Variants in GALNT18 observed in about 807,000 individuals in gnomAD.
GALNT18 encodes polypeptide N-acetylgalactosaminyltransferase 18.
A neutral mutation model predicts 69.5 loss-of-function variants in GALNT18; 44 were observed. That is an observed-to-expected ratio of 0.63 (90% CI 0.50 to 0.81). GALNT18 has a LOEUF of 0.81. Among genes scored for constraint, GALNT18 ranks in the 40% least tolerant of loss-of-function variants. The probability of loss-of-function intolerance (pLI) is 0.00; values close to 1 mark genes in which losing one functional copy is unlikely to be tolerated. For synonymous variants in GALNT18, 364 were observed against 318.2 expected (o/e 1.14, Z -1.53); for missense variants, 715 against 810.0 (o/e 0.88, Z 1.42).
chr11:11,568,508 G>A (rs1351365130), intron 1 of GALNT18, among the ~76,000 whole-genome samples: 1 of 152,096 alleles, frequency 6.6e-6, no homozygotes, highest in East Asian at 1.9e-4. Context: ...TCTGGTTAAG[G>A]GGGGAAAAAG....
intron 1 of GALNT18, among the ~76,000 whole-genome samples, chr11:11,477,586 C>G (rs375514741): frequency 6.6e-6 from 1 of 152,300 alleles, no homozygotes; most frequent in East Asian, 1.9e-4. Flanking sequence ...CTGGGAGAGA[C>G]AAGCAGGAAC....
rs1222117149 is a variant in GALNT18 at position 11,620,162 on chromosome 11, T to A, written c.235+1197A>T. Among the ~76,000 whole-genome samples, 1 of 151,576 alleles carries A rather than the reference T, an allele frequency of 6.6e-6. No individual in the cohort carries two copies. Among genetic ancestry groups the A allele is most frequent in the Non-Finnish European group, 1.5e-5 (1 of 67,880 alleles). On this transcript the variant is annotated intron_variant, in intron 1 of 10. Coordinates refer to ENST00000227756, the MANE Select transcript of GALNT18 (RefSeq NM_198516.3). The surrounding 1 kb of genome is among the most constrained non-coding windows in gnomAD (Gnocchi z 6.9). ...GGGGGGTGGGGGGTAAGCCTTCAGT[T>A]CAATTCGATTTTGCCAAGGTCTGCC...
intron 9 of GALNT18, among the ~76,000 whole-genome samples, chr11:11,306,362 A>G (rs1388222487): frequency 4.6e-5 from 7 of 152,118 alleles, no homozygotes; most frequent in Admixed American, 4.6e-4. Flanking sequence ...TAAAATATGC[A>G]GGTTAAGATC....
Position 11,494,773 on chromosome 11 carries a change from C to T in GALNT18, c.236-45837G>A, listed in dbSNP as rs987288385. Among the ~76,000 whole-genome samples, 6 of 152,164 alleles carry T rather than the reference C, an allele frequency of 3.9e-5. No individual in the cohort carries two copies. Among genetic ancestry groups the T allele is most frequent in the South Asian group, 4.1e-4 (2 of 4,826 alleles). On this transcript the variant is annotated intron_variant, in intron 1 of 10. Transcript: ENST00000227756. This position sits in a 1 kb window ranked among gnomAD's most constrained non-coding sequence, Gnocchi z 5.7. The stretch of plus-strand genomic sequence containing the variant: ...TATAGCCAAATCAGAGAGATGAATC[C>T]GGCCCATCGTGCTATTATTCAAAGC...
intron 3 of GALNT18, among the ~76,000 whole-genome samples, chr11:11,392,252 C>T (rs1854212136): frequency 6.6e-6 from 1 of 152,116 alleles, no homozygotes; most frequent in Non-Finnish European, 1.5e-5. Flanking sequence ...GGACAGAAAT[C>T]CTCATATAAA....
intron 1 of GALNT18, among the ~76,000 whole-genome samples, chr11:11,578,330 C>CAAAAAAAAAAA (rs57579910): frequency 4.6e-4 from 56 of 120,514 alleles, no homozygotes; most frequent in African/African-American, 1.9e-3. Flanking sequence ...TAAAAAGAAC[C>CAAAAAAAAAAA]AAAAAAAAAA....
intron 1 of GALNT18, among the ~76,000 whole-genome samples, chr11:11,594,979 A>ATG (rs1491443682): frequency 5.9e-5 from 7 of 118,722 alleles, no homozygotes; most frequent in South Asian, 2.8e-4. Context: ...CAAAATATAC[A>ATG]TATGTGTGTG....
At chr11:11,335,759 G>A (rs1330847888) in intron 7 of GALNT18, among the ~76,000 whole-genome samples, 1 of 152,160 alleles carries the variant, frequency 6.6e-6, no homozygotes, top group East Asian at 1.9e-4. Flanking sequence ...AGACAAAGAG[G>A]AGAAGGCCAT....
At chr11:11,352,418 A>G in intron 6 of GALNT18, 1 of 1,614,164 alleles carries the variant, frequency 6.2e-7, no homozygotes, top group Non-Finnish European at 8.5e-7. Context: ...TGTCACGTCC[A>G]TGGAAAAATG....
rs113686474 is a variant in GALNT18, at chr11:11,432,887, G to C, written c.429-100C>G. 6 of 1,195,778 alleles carry C rather than the reference G, an allele frequency of 5.0e-6. No homozygotes were observed. Among genetic ancestry groups the C allele is most frequent in the African/African-American group, 1.5e-5 (1 of 65,618 alleles). 74.1% of individuals were successfully genotyped at this position (1,195,778 alleles called of 1,614,324 possible). On this transcript the variant is annotated intron_variant, in intron 2 of 10. Coordinates refer to ENST00000227756, the MANE Select transcript of GALNT18 (RefSeq NM_198516.3). The surrounding 1 kb of genome is among the most constrained non-coding windows in gnomAD (Gnocchi z 5.8). ...TGGCTCCAGCTTTGCTGGAGGGCTC[G>C]GGAGTCCAGATTCTTCCAAGGGCCC...
chr11:11,323,819 T>C (rs1280695214), intron 9 of GALNT18, among the ~76,000 whole-genome samples: 2 of 152,234 alleles, frequency 1.3e-5, no homozygotes, highest in Non-Finnish European at 2.9e-5. Flanking sequence ...CTGGCTTCTG[T>C]TGAAATGACT....
At position 11,494,080 on chromosome 11, in the gene GALNT18, G is replaced by T. The variant is rs1388202499; in HGVS notation, c.236-45144C>A. ...CAGAGTGCTGCTGCAAGGATTTAGTGAAGCCATGCATATAAAGAACTTAGC... is the reference window on the plus strand; with the variant it reads ...CAGAGTGCTGCTGCAAGGATTTAGTTAAGCCATGCATATAAAGAACTTAGC... On this transcript the variant is annotated intron_variant, in intron 1 of 10. Coordinates refer to ENST00000227756, the MANE Select transcript of GALNT18 (RefSeq NM_198516.3). The surrounding 1 kb of genome is among the most constrained non-coding windows in gnomAD (Gnocchi z 5.7). Among the ~76,000 whole-genome samples, 3 of 152,176 alleles carry T rather than the reference G, an allele frequency of 2.0e-5. No individual in the cohort carries two copies. Among genetic ancestry groups the T allele is most frequent in the Admixed American group, 2.0e-4 (3 of 15,272 alleles).
chr11:11,483,679 C>T (rs1463618255), intron 1 of GALNT18, among the ~76,000 whole-genome samples: 3 of 152,158 alleles, frequency 2.0e-5, no homozygotes, highest in Non-Finnish European at 4.4e-5. Context: ...TCCACACACT[C>T]TTTCTCTTCC....
intron 6 of GALNT18, among the ~76,000 whole-genome samples, chr11:11,370,909 T>G (rs1850886587): frequency 1.3e-5 from 2 of 152,066 alleles, no homozygotes; most frequent in Admixed American, 1.3e-4. Flanking sequence ...AATATTATGT[T>G]TGGGGTGAGC....
At chr11:11,343,845 C>T (rs1428887715) in intron 6 of GALNT18, among the ~76,000 whole-genome samples, 2 of 152,186 alleles carry the variant, frequency 1.3e-5, no homozygotes, top group East Asian at 1.9e-4. Context: ...GCACATCTGC[C>T]GTCATTCTAA....
At position 11,459,426 on chromosome 11, in the gene GALNT18, C is replaced by T. The variant is rs180724897; in HGVS notation, c.236-10490G>A. 1.1e-4 allele frequency among the ~76,000 whole-genome samples: 17 copies of T among 152,292 alleles called. No individual in the cohort carries two copies. The East Asian group carries it at 1.7e-3, about 16-fold the overall frequency. ...CAAAGGAAATCTAGGATGGCTTCCT[C>T]TGACACCTGAACAGTGTTGCAGGGA... On this transcript the variant is annotated intron_variant, in intron 1 of 10. Coordinates refer to ENST00000227756, the MANE Select transcript of GALNT18 (RefSeq NM_198516.3). The surrounding 1 kb of genome is among the most constrained non-coding windows in gnomAD (Gnocchi z 5.0).
chr11:11,355,096 G>A (rs1850501030), intron 6 of GALNT18, among the ~76,000 whole-genome samples: 1 of 152,144 alleles, frequency 6.6e-6, no homozygotes. Context: ...CTGCGTTGTC[G>A]TGTTGCCCTT....
intron 1 of GALNT18, among the ~76,000 whole-genome samples, chr11:11,536,075 G>C (rs1444653705): frequency 6.6e-6 from 1 of 152,142 alleles, no homozygotes; most frequent in Non-Finnish European, 1.5e-5. Flanking sequence ...TTTCAACCTA[G>C]GTTCTCTCTC....
intron 9 of GALNT18, 60 bp downstream of exon 9, chr11:11,327,026 T>G: frequency 8.1e-7 from 1 of 1,240,912 alleles, no homozygotes; most frequent in Non-Finnish European, 1.2e-6. Flanking sequence ...CTAGCTCTCC[T>G]TCCCCATGCC....
Sources: allele counts gnomAD v4.1 joint callset (sites outside exome capture counted in the v4.1 genomes callset), GRCh38; gene constraint gnomAD v4.1.1; non-coding constraint Gnocchi (gnomAD v3.1); transcripts MANE v1.5; gene names NCBI Gene and HGNC (gene_info 2026-07-23, HGNC 2026-07-21).